The following C4orf50 variants were observed in gnomAD, a reference collection of about 807,000 sequenced individuals.
C4orf50 encodes uncharacterized protein C4orf50.
C4orf50 carries 80 observed loss-of-function variants against 77.2 expected under a neutral mutation model. The ratio of observed to expected loss-of-function variants is 1.04; its 90% CI spans 0.87 to 1.25. The LOEUF is 1.25. C4orf50 is among the 50% of genes most tolerant of loss of function. The pLI is 0.00. For synonymous variants in C4orf50, 532 were observed against 465.3 expected (o/e 1.14, Z -1.84); for missense variants, 1,257 against 1,152.9 (o/e 1.09, Z -1.31).
chr4:5,929,708 T>C (rs1370463311), intron 7 of C4orf50, among the ~76,000 whole-genome samples: 1 of 152,256 alleles, frequency 6.6e-6, no homozygotes, highest in Non-Finnish European at 1.5e-5. Context: ...CCCAGCGCTC[T>C]GTGAGCGCTA....
At chr4:6,006,776 C>A (rs1029853308) in intron 25 of C4orf50, among the ~76,000 whole-genome samples, 7 of 152,206 alleles carry the variant, frequency 4.6e-5, no homozygotes, top group Admixed American at 4.6e-4. Flanking sequence ...GCTCTCTACT[C>A]CACAGTGCTG....
intron 33 of C4orf50, among the ~76,000 whole-genome samples, chr4:5,963,000 C>CTTTTTTTTTTTTTTT (rs370272649): frequency 6.2e-5 from 9 of 146,082 alleles, no homozygotes; most frequent in East Asian, 4.3e-4. Context: ...TTTTTCTTTT[C>CTTTTTTTTTTTTTTT]TTTTTTTTTT....
chr4:6,004,369 GT>G (rs1722127129), intron 25 of C4orf50, among the ~76,000 whole-genome samples: 1 of 120,898 alleles, frequency 8.3e-6, no homozygotes, highest in Non-Finnish European at 1.7e-5. Flanking sequence ...GGTGATGATG[GT>G]GATGGTGATG....
chr4:5,991,546 G>A (rs188126751), intron 27 of C4orf50, among the ~76,000 whole-genome samples: 32 of 152,326 alleles, frequency 2.1e-4, no homozygotes, highest in African/African-American at 7.5e-4. Context: ...CAGAGAGGAG[G>A]AGCCCAGCTC....
chr4:5,914,631 C>G (rs1716956357), intron 7 of C4orf50, among the ~76,000 whole-genome samples: 1 of 152,164 alleles, frequency 6.6e-6, no homozygotes, highest in South Asian at 2.1e-4. Flanking sequence ...TTACCATGTC[C>G]TCTCTTACAA....
At chr4:5,933,663 G>A (rs1717866190) in intron 7 of C4orf50, among the ~76,000 whole-genome samples, 1 of 152,230 alleles carries the variant, frequency 6.6e-6, no homozygotes, top group African/African-American at 2.4e-5. Flanking sequence ...GTACTCAGCA[G>A]GAGTTGTTTT....
chr4:5,942,337 G>T (rs1054644186), intron 7 of C4orf50, among the ~76,000 whole-genome samples: 1 of 152,168 alleles, frequency 6.6e-6, no homozygotes, highest in Non-Finnish European at 1.5e-5. Context: ...ACCCAAAGGG[G>T]TTTGATTCTG....
chr4:6,012,013 A>G (rs1722515719), intron 23 of C4orf50, 45 bp from the exon 2 acceptor site: 1 of 398,966 alleles, frequency 2.5e-6, no homozygotes, highest in Non-Finnish European at 4.4e-6. Flanking sequence ...GGTGCAGTCA[A>G]CATGGCCTAG....
chr4:5,970,154 A>G lies in C4orf50; in HGVS notation c.4105-2692T>C, dbSNP rs1458383307. Among the ~76,000 whole-genome samples, 2 of 151,918 alleles carry G rather than the reference A, an allele frequency of 1.3e-5. No homozygotes were observed. Among genetic ancestry groups the G allele is most frequent in the African/African-American group, 4.8e-5 (2 of 41,330 alleles). On this transcript the variant is annotated intron_variant, in intron 31 of 33. Coordinates refer to ENST00000531445, the Ensembl canonical transcript of C4orf50. The surrounding 1 kb of genome is among the most constrained non-coding windows in gnomAD (Gnocchi z 4.3). ...AGGTCCAGGCAAAACACAGGAAAAA[A>G]AAAAAAAGGCCCACTGGGGCTAGGG...
intron 7 of C4orf50, among the ~76,000 whole-genome samples, chr4:5,938,781 GT>G (rs71635952): frequency 3.3e-4 from 43 of 130,128 alleles, no homozygotes; most frequent in East Asian, 1.2e-3. Context: ...TGTGATGTCA[GT>G]TTTTTTTCTT....
Position 6,012,871 on chromosome 4 carries a change from T to C in C4orf50, c.288-903A>G, listed in dbSNP as rs1416650048. Among the ~76,000 whole-genome samples the C allele has an allele frequency of 2.6e-5, 4 of 152,330 alleles. No individual in the cohort carries two copies. The East Asian group carries it at 7.7e-4, about 29-fold the overall frequency. On this transcript the variant is annotated intron_variant, in intron 23 of 33. Transcript: ENST00000531445. ...CCTTAATGTGTCAGTCTTGCCTGTA[T>C]AATAGAAACCATGATACACGTGAAG...
At chr4:5,972,316 A>G (rs900512866) in intron 31 of C4orf50, among the ~76,000 whole-genome samples, 2 of 151,996 alleles carry the variant, frequency 1.3e-5, no homozygotes, top group African/African-American at 4.8e-5. Context: ...TTTCAATTTT[A>G]TCTCACTTAA....
At chr4:5,955,232 T>A (rs1718901637), downstream of C4orf50, among the ~76,000 whole-genome samples, 1 of 152,126 alleles carries the variant, frequency 6.6e-6, no homozygotes, top group African/African-American at 2.4e-5. The surrounding 1 kb of genome is among the most constrained non-coding windows in gnomAD (Gnocchi z 5.1). Flanking sequence ...TCACAGATGC[T>A]AACCCACTCA....
rs1474419435 is a variant in C4orf50 at position 6,009,331 on chromosome 4, G to A, written c.427-799C>T. ...AGCAAAGGGATAGAACTACGTCTAC[G>A]TTAATCTTTCAACTACTGTCACCTG... is the stretch of plus-strand genomic sequence containing the variant. On this transcript the variant is annotated intron_variant, in intron 24 of 33. Transcript: ENST00000531445. The surrounding 1 kb of genome is among the most constrained non-coding windows in gnomAD (Gnocchi z 5.6). 6.6e-6 allele frequency among the ~76,000 whole-genome samples: 1 copy of A among 152,202 alleles called. No homozygotes were observed. Among genetic ancestry groups the A allele is most frequent in the Non-Finnish European group, 1.5e-5 (1 of 68,032 alleles).
At chr4:5,897,808 C>A (rs1252154000) in exon 8 of C4orf50, 5 of 152,188 alleles carry the variant, frequency 3.3e-5, no homozygotes, top group Admixed American at 3.3e-4. Flanking sequence ...AACATCTCCA[C>A]GGACTGATGG....
intron 7 of C4orf50, among the ~76,000 whole-genome samples, chr4:5,924,455 C>G (rs1019401605): frequency 6.6e-6 from 1 of 152,146 alleles, no homozygotes; most frequent in Admixed American, 6.5e-5. Context: ...CCCAGCCTGC[C>G]CCACACCCAG....
At chr4:5,989,199 T>C in exon 28 of C4orf50, 1 of 1,536,082 alleles carries the variant, frequency 6.5e-7, no homozygotes, top group South Asian at 1.2e-5. Flanking sequence ...TCTCTTGGTC[T>C]CCGTGAAGTT....
chr4:5,899,632 G>A (rs1313241107), intron 7 of C4orf50: 2 of 152,244 alleles, frequency 1.3e-5, no homozygotes, highest in African/African-American at 4.8e-5. Flanking sequence ...ATAAATATGA[G>A]TCTAGCACAG....
intron 7 of C4orf50, among the ~76,000 whole-genome samples, chr4:5,934,101 C>T (rs189569005): frequency 6.6e-6 from 1 of 152,060 alleles, no homozygotes; most frequent in African/African-American, 2.4e-5. Flanking sequence ...CAACACAGCC[C>T]CTGGCAATTC....
Sources: allele counts gnomAD v4.1 joint callset (sites outside exome capture counted in the v4.1 genomes callset), GRCh38; gene constraint gnomAD v4.1.1; non-coding constraint Gnocchi (gnomAD v3.1); transcripts MANE v1.5; gene names NCBI Gene and HGNC (gene_info 2026-07-23, HGNC 2026-07-21).